The following FAM72B variants were observed in gnomAD, a reference collection of about 807,000 sequenced individuals.
FAM72B encodes RUMY family member 2.
FAM72B carries 4 observed loss-of-function variants against 12.6 expected under a neutral mutation model. The ratio of observed to expected loss-of-function variants is 0.32; its 90% CI spans 0.16 to 0.73. FAM72B has a LOEUF of 0.73. Among genes scored for constraint, FAM72B ranks in the 30% least tolerant of loss-of-function variants. FAM72B has a pLI of 0.67. For synonymous variants in FAM72B, 13 were observed against 53.9 expected, an observed-to-expected ratio of 0.24 and a Z score of 3.32; for missense variants, 61 against 158.4, an observed-to-expected ratio of 0.39 and a Z score of 3.30.
intron 2 of FAM72B, among the ~76,000 whole-genome samples, chr1:121,180,961 T>G (rs1301000296): frequency 6.6e-6 from 1 of 152,178 alleles, no homozygotes; most frequent in Non-Finnish European, 1.5e-5. Flanking sequence ...AGAGTAAGGG[T>G]AGGGTCAGAC....
At chr1:121,180,502 T>A in intron 2 of FAM72B, among the ~76,000 whole-genome samples, 1 of 115,792 alleles carries the variant, frequency 8.6e-6, no homozygotes, top group South Asian at 3.0e-4. Context: ...TGAGCTTAGA[T>A]CGCGCCATTG....
chr1:121,176,716 A>G (rs1417955658), intron 3 of FAM72B, among the ~76,000 whole-genome samples: 1 of 149,680 alleles, frequency 6.7e-6, no homozygotes, highest in Admixed American at 6.7e-5. Flanking sequence ...ATTTCCCTTG[A>G]CTAAAATTCT....
At chr1:121,180,986 T>C (rs1654321673) in intron 2 of FAM72B, among the ~76,000 whole-genome samples, 1 of 152,184 alleles carries the variant, frequency 6.6e-6, no homozygotes. Context: ...AACATGGTTT[T>C]TATTATTGTA....
intron 3 of FAM72B, among the ~76,000 whole-genome samples, chr1:121,172,825 T>G (rs1290989480): frequency 7.7e-6 from 1 of 129,682 alleles, no homozygotes. Flanking sequence ...TGTAATCCCA[T>G]GTAATCCCAG....
At chr1:121,177,530 T>A in intron 2 of FAM72B, among the ~76,000 whole-genome samples, 198 bp from the exon 3 acceptor site, 1 of 107,770 alleles carries the variant, frequency 9.3e-6, no homozygotes, top group East Asian at 2.7e-4. Context: ...AATAGTAAAA[T>A]ATTCTCACAT....
In FAM72B at chr1:121,174,311, C is replaced by G. The variant is rs587664547; in HGVS notation, c.355+2897G>C. The stretch of plus-strand genomic sequence containing the variant: ...AGCTGCAGCAAGTTATCCAGAAAAT[C>G]TAGCTAAGATTATGGATGAAGGTGG... On this transcript the variant is annotated intron_variant, in intron 3 of 3. Coordinates refer to ENST00000369390, the MANE Select transcript of FAM72B (RefSeq NM_001100910.2). 2.0e-4 allele frequency among the ~76,000 whole-genome samples: 30 copies of G among 151,522 alleles called. No homozygotes were observed. In the South Asian group the frequency reaches 4.8e-3, roughly 24 times the overall value.
chr1:121,174,982 G>C (rs1553316671), intron 3 of FAM72B, among the ~76,000 whole-genome samples: 1 of 151,896 alleles, frequency 6.6e-6, no homozygotes, highest in Non-Finnish European at 1.5e-5. Context: ...GCCTTCTATT[G>C]GAAGGAGATG....
At chr1:121,180,871 G>C (rs779133835) in intron 2 of FAM72B, among the ~76,000 whole-genome samples, 1 of 152,140 alleles carries the variant, frequency 6.6e-6, no homozygotes, top group Non-Finnish European at 1.5e-5. Flanking sequence ...ACAAAGAAAG[G>C]AGTAATAACC....
intron 3 of FAM72B, among the ~76,000 whole-genome samples, chr1:121,170,137 A>ATTTTTTTT (rs1654063182): frequency 6.6e-6 from 1 of 151,550 alleles, no homozygotes; most frequent in Admixed American, 6.6e-5. Context: ...TGCCTGGGTA[A>ATTTTTTTT]TTTTTGTATT....
chr1:121,172,149 TG>T (rs1246923381), intron 3 of FAM72B, among the ~76,000 whole-genome samples: 2 of 139,916 alleles, frequency 1.4e-5, no homozygotes, highest in South Asian at 4.7e-4. Context: ...CTGGGCAAAA[TG>T]GCAAAAACTG....
At chr1:121,168,901 G>C in intron 3 of FAM72B, 66 bp from the exon 4 acceptor site, 1 of 1,191,952 alleles carries the variant, frequency 8.4e-7, no homozygotes, top group Non-Finnish European at 1.2e-6. Context: ...CACAAATTAC[G>C]AAACTTTATA....
At chr1:121,178,716 C>T (rs782552415) in intron 2 of FAM72B, among the ~76,000 whole-genome samples, 11 of 152,042 alleles carry the variant, frequency 7.2e-5, no homozygotes, top group Non-Finnish European at 1.6e-4. Context: ...AAAACAAAGC[C>T]CTTGTTCTCA....
intron 3 of FAM72B, among the ~76,000 whole-genome samples, chr1:121,176,467 CG>C (rs1213519673): frequency 9.0e-6 from 1 of 111,498 alleles, no homozygotes; most frequent in Admixed American, 9.5e-5. Context: ...CCACTGCTCT[CG>C]GCCGAATAAG....
At chr1:121,174,433 T>C in intron 3 of FAM72B, among the ~76,000 whole-genome samples, 1 of 145,326 alleles carries the variant, frequency 6.9e-6, no homozygotes, top group Non-Finnish European at 1.5e-5. Context: ...AATGGCGTGA[T>C]CTTGGCTCAC....
chr1:121,180,749 C>T (rs1461357160), intron 2 of FAM72B, among the ~76,000 whole-genome samples: 11 of 151,296 alleles, frequency 7.3e-5, no homozygotes, highest in Non-Finnish European at 1.6e-4. Flanking sequence ...GTCCCAGCTA[C>T]TCAGGAGGCT....
intron 2 of FAM72B, among the ~76,000 whole-genome samples, chr1:121,179,770 G>A (rs1654293330): frequency 7.0e-6 from 1 of 142,052 alleles, no homozygotes; most frequent in Admixed American, 7.0e-5. Context: ...GGAGGTTGCA[G>A]TAAGCTGAGA....
At chr1:121,173,184 A>ATTT (rs199877959) in intron 3 of FAM72B, among the ~76,000 whole-genome samples, 2,147 of 125,328 alleles carry the variant, frequency 0.017, 75 homozygotes, top group African/African-American at 0.066. Flanking sequence ...TACTAAAATA[A>ATTT]TTTTTTTTTT....
chr1:121,179,987 TAAG>T (rs1458984453), intron 2 of FAM72B, among the ~76,000 whole-genome samples: 23 of 94,434 alleles, frequency 2.4e-4, no homozygotes, highest in Non-Finnish European at 1.9e-4. Context: ...AAATAGCACA[TAAG>T]AAGAGCTTGC....
At chr1:121,176,798 T>C (rs1361537160) in intron 3 of FAM72B, among the ~76,000 whole-genome samples, 1 of 152,340 alleles carries the variant, frequency 6.6e-6, no homozygotes, top group Middle Eastern at 3.4e-3. Flanking sequence ...CAGAGGTTAC[T>C]TAGTCCTCCT....
Sources: allele counts gnomAD v4.1 joint callset (sites outside exome capture counted in the v4.1 genomes callset), GRCh38; gene constraint gnomAD v4.1.1; transcripts MANE v1.5; gene names NCBI Gene and HGNC (gene_info 2026-07-23, HGNC 2026-07-21).